Variants in COL17A1 observed in about 807,000 individuals in gnomAD.
COL17A1 encodes collagen type XVII alpha 1 chain, also known as collagen alpha-1(XVII) chain.
A neutral mutation model predicts 218.4 loss-of-function variants in COL17A1; 181 were observed. That is an observed-to-expected ratio of 0.83 (90% CI 0.73 to 0.94). The LOEUF (loss-of-function observed/expected upper bound fraction) is 0.94. Among genes scored for constraint, COL17A1 ranks in the 40% least tolerant of loss-of-function variants. COL17A1 has a pLI of 0.00. For synonymous variants in COL17A1, 721 were observed against 731.0 expected, an observed-to-expected ratio of 0.99 and a Z score of 0.22; for missense variants, 1,924 against 1,945.9, an observed-to-expected ratio of 0.99 and a Z score of 0.21.
At chr10:104,060,793 T>C (rs556581683) in intron 13 of COL17A1, among the ~76,000 whole-genome samples, 3 of 152,250 alleles carry the variant, frequency 2.0e-5, no homozygotes, top group Admixed American at 2.0e-4. Context: ...GCATACTTTA[T>C]GTGTTTGTCG....
chr10:104,053,415 C>T (rs562136227), intron 22 of COL17A1, among the ~76,000 whole-genome samples: 5 of 152,310 alleles, frequency 3.3e-5, no homozygotes, highest in African/African-American at 1.2e-4. Flanking sequence ...AGGCCCCACA[C>T]AGCCTGCCTC....
intron 1 of COL17A1, among the ~76,000 whole-genome samples, chr10:104,082,136 G>C (rs1248089628): frequency 6.6e-6 from 1 of 152,208 alleles, no homozygotes; most frequent in African/African-American, 2.4e-5. Context: ...TTCAAACACA[G>C]CTCGAGGCAA....
chr10:104,033,430 C>G, intron 52 of COL17A1, 55 bp from the exon 53 acceptor site: 1 of 1,591,372 alleles, frequency 6.3e-7, no homozygotes, highest in Non-Finnish European at 8.6e-7. Flanking sequence ...GTACCCTCTT[C>G]AGCAGGAGCA....
rs542543390 is a variant in COL17A1 at position 104,070,439 on chromosome 10, C to T, written c.594G>A (p.Ala198=). The change falls in exon 9 of 56, where the codon GCG becomes GCA. Residue 198 remains alanine (A), a synonymous_variant. Transcript: ENST00000648076. ...KGTVETKIVT[A]SSQSVSGTYD... ...TGTCAGACTTACCCGACTGGGAGCTCGCTGTCACAATTTTGGTCTCCACAG... is the reference window on the plus strand; with the variant it reads ...TGTCAGACTTACCCGACTGGGAGCTTGCTGTCACAATTTTGGTCTCCACAG... The T allele has an allele frequency of 7.4e-6, 12 of 1,613,700 alleles. No individual in the cohort carries two copies. Among genetic ancestry groups the T allele is most frequent in the Middle Eastern group, 1.8e-4 (1 of 5,682 alleles).
At chr10:104,072,170 AG>A in intron 7 of COL17A1, 91 bp from the exon 8 acceptor site, 2 of 1,568,536 alleles carry the variant, frequency 1.3e-6, no homozygotes, top group Admixed American at 3.6e-5. Context: ...ATGGCCCTTT[AG>A]GCTGCTCTGA....
chr10:104,055,441 C>G, intron 18 of COL17A1, 40 bp from the exon 19 acceptor site: 1 of 1,549,386 alleles, frequency 6.5e-7, no homozygotes, highest in South Asian at 1.1e-5. Context: ...TTCACATCTC[C>G]TGTCACACAC....
intron 33 of COL17A1, among the ~76,000 whole-genome samples, chr10:104,044,576 A>G (rs998581858): frequency 6.6e-6 from 1 of 152,084 alleles, no homozygotes; most frequent in Non-Finnish European, 1.5e-5. Context: ...AAAGGAGACT[A>G]TTGCTCTCTC....
At chr10:104,040,692 C>A (rs2134584811) in intron 39 of COL17A1, among the ~76,000 whole-genome samples, 1 of 152,178 alleles carries the variant, frequency 6.6e-6, no homozygotes, top group African/African-American at 2.4e-5. Context: ...AGGTTCTGGC[C>A]TAATGTTTGC....
In COL17A1 at chr10:104,040,404, A is replaced by G. The variant is rs773332225; in HGVS notation, c.2708T>C (p.Phe903Ser). ...AGGTGGGCCTGGGGGGCCGGAGAGG[A>G]AGGTTTCTGCAGAGGAAGGAAATAG... is the stretch of plus-strand genomic sequence containing the variant. ...PGSFLSNSET[F>S]LSGPPGPPGP... The change falls in exon 40 of 56, where the codon TTC (phenylalanine) becomes TCC (serine). Residue 903 changes from phenylalanine to serine, a missense_variant. Physicochemically the swap from Phe to Ser is radical, Grantham distance 155. Transcript: ENST00000648076. 3.7e-6 allele frequency: 6 copies of G among 1,608,846 alleles called. No homozygotes were observed. Among genetic ancestry groups the G allele is most frequent in the Non-Finnish European group, 5.1e-6 (6 of 1,175,414 alleles).
At chr10:104,035,673 AAAG>A (rs1410765710) in intron 48 of COL17A1, 110 bp from the exon 49 acceptor site, 1 of 845,632 alleles carries the variant, frequency 1.2e-6, no homozygotes, top group Non-Finnish European at 1.9e-6. Context: ...CCAAGAAAGA[AAAG>A]AGATGGTGGC....
At chr10:104,036,913 T>C (rs2086305334) in intron 47 of COL17A1, 132 bp downstream of exon 47, 1 of 925,406 alleles carries the variant, frequency 1.1e-6, no homozygotes, top group Middle Eastern at 3.2e-4. Context: ...AGTAAGTGGC[T>C]CTTTGTCCAA....
intron 16 of COL17A1, 136 bp downstream of exon 16, chr10:104,058,010 C>G: frequency 7.4e-7 from 1 of 1,342,512 alleles, no homozygotes; most frequent in South Asian, 1.3e-5. Context: ...CCCTTCTGAG[C>G]CTTTAGGGAA....
chr10:104,073,080 C>T (rs1036712876), intron 7 of COL17A1, 130 bp downstream of exon 7: 17 of 881,736 alleles, frequency 1.9e-5, no homozygotes, highest in East Asian at 9.9e-5. Context: ...CTAAGCTCCT[C>T]GAAAGCAGAA....
rs201906751 is a variant in COL17A1, at chr10:104,033,331, G to T, written c.4201C>A (p.Pro1401Thr). 1.9e-5 allele frequency: 31 copies of T among 1,609,376 alleles called. No individual in the cohort carries two copies. The highest frequency in any genetic ancestry group is 2.5e-5 in the Non-Finnish European group (30 of 1,177,998). ...GGCCCCTGTGGCCCAGGCTGGCCTG[G>T]TGGGCCCTGGACAGTGTAGGCCATC... ...QGMAYTVQGP[P>T]GQPGPQGPPG... The change falls in exon 53 of 56, where the codon CCA (proline) becomes ACA (threonine). Residue 1401 changes from proline to threonine, a missense_variant. Physicochemically the swap from Pro to Thr is conservative, Grantham distance 38. Transcript: ENST00000648076.
intron 13 of COL17A1, among the ~76,000 whole-genome samples, 186 bp from the exon 14 acceptor site, chr10:104,060,466 C>A (rs566034640): frequency 6.6e-6 from 1 of 152,238 alleles, no homozygotes; most frequent in East Asian, 1.9e-4. Context: ...CAAGGACACC[C>A]TCTATGCCTG....
Position 104,078,596 on chromosome 10 carries a change from G to A in COL17A1, c.53-10C>T, listed in dbSNP as rs116946544. 0.025 allele frequency: 39,812 copies of A among 1,613,914 alleles called. 628 individuals are homozygous for A. The highest frequency in any genetic ancestry group is 0.029 in the Non-Finnish European group (34,258 of 1,179,850). On this transcript the variant is annotated splice_polypyrimidine_tract_variant and intron_variant, in intron 2 of 55. Transcript: ENST00000648076. ...ACTGTTTCAGTGACAACTAGAAAAA[G>A]ACAAAGAAAAGATGAGTTCTTATGT...
chr10:104,076,390 C>G lies in COL17A1; in HGVS notation c.242G>C (p.Arg81Thr). The part of the protein sequence containing the change: ...TRGHASTSSY[R>T]RAHSPASTLP... ...AGTGGAGGCAGGTGAGTGAGCCCTC[C>G]TGTAACTAGAGGTGGAGGCATGGCC... Residue 81 changes from arginine to threonine, a missense_variant, in exon 5 of 56, where the codon AGG becomes ACG. Physicochemically the swap from Arg to Thr is moderately conservative, Grantham distance 71. Transcript: ENST00000648076. The G allele has an allele frequency of 6.2e-7, 1 of 1,614,170 alleles. No homozygotes were observed. The highest frequency in any genetic ancestry group is 1.6e-4 in the Middle Eastern group (1 of 6,062).
At chr10:104,034,437 C>T in intron 51 of COL17A1, 103 bp from the exon 52 acceptor site, 2 of 1,470,236 alleles carry the variant, frequency 1.4e-6, no homozygotes, top group South Asian at 1.3e-5. Flanking sequence ...CCTGAGAGAC[C>T]AGAAGTGAAC....
In COL17A1 at chr10:104,055,864, C is replaced by T. The variant is rs1489387114; in HGVS notation, c.1605G>A (p.Leu535=). The T allele has an allele frequency of 6.2e-7, 1 of 1,614,190 alleles. No homozygotes were observed. Among genetic ancestry groups the T allele is most frequent in the Non-Finnish European group, 8.5e-7 (1 of 1,180,032 alleles). ...QGMAPAAGAD[L]DKIGLHSDSQ... ...TGTCACTGTGCAGCCCAATTTTGTC[C>T]AGGTCTGCTCCCGCCGCGGGTGCCA... The change falls in exon 18 of 56, where the codon CTG becomes CTA. Residue 535 remains leucine, a synonymous_variant. Transcript: ENST00000648076.
Sources: allele counts gnomAD v4.1 joint callset (sites outside exome capture counted in the v4.1 genomes callset), GRCh38; gene constraint gnomAD v4.1.1; transcripts MANE v1.5; gene names NCBI Gene and HGNC (gene_info 2026-07-23, HGNC 2026-07-21).